Variants in GAPVD1 observed in about 807,000 individuals in gnomAD.
The protein encoded by GAPVD1 is GTPase activating protein and VPS9 domains 1, also known as GTPase-activating protein and VPS9 domain-containing protein 1.
In GAPVD1, 35 loss-of-function variants were observed where a neutral mutation model predicts 155.5. The ratio of observed to expected loss-of-function variants is 0.23; its 90% CI spans 0.17 to 0.30. GAPVD1 has a LOEUF of 0.30. Among genes scored for constraint, GAPVD1 ranks in the 10% least tolerant of loss-of-function variants. The pLI is 1.00. For missense variants in GAPVD1, 1,429 were observed against 1,775.7 expected (o/e 0.80, Z 3.51); for synonymous variants, 636 against 619.7 (o/e 1.03, Z -0.39).
intron 2 of GAPVD1, among the ~76,000 whole-genome samples, chr9:125,274,099 C>A (rs1835360435): frequency 2.6e-5 from 4 of 151,968 alleles, no homozygotes; most frequent in Admixed American, 6.6e-5. Context: ...CTCACTGCAA[C>A]CTCTGCCTCC....
rs372798794 is a variant in GAPVD1, at chr9:125,279,671, G to A, written c.-150+10687G>A. Reference sequence around the variant, plus strand: ...ATAGTTCTGCCAAAGTGTAGGCATCGGTATATAAAAATCTTTCCCATACAT... The same window carrying A: ...ATAGTTCTGCCAAAGTGTAGGCATCAGTATATAAAAATCTTTCCCATACAT... On this transcript the variant is annotated intron_variant, in intron 2 of 27. Transcript: ENST00000297933. Among the ~76,000 whole-genome samples, 8 of 150,838 alleles carry A rather than the reference G, an allele frequency of 5.3e-5. No individual in the cohort carries two copies. The East Asian group carries it at 5.8e-4, about 11-fold the overall frequency.
At chr9:125,315,009 G>A (rs1197742569) in intron 9 of GAPVD1, among the ~76,000 whole-genome samples, 7 of 152,100 alleles carry the variant, frequency 4.6e-5, no homozygotes, top group Middle Eastern at 3.4e-3. Context: ...GGATAGTCTC[G>A]ATCTCCTGAC....
intron 13 of GAPVD1, among the ~76,000 whole-genome samples, chr9:125,331,223 T>TG (rs1452614042): frequency 6.6e-6 from 1 of 150,930 alleles, no homozygotes; most frequent in African/African-American, 2.4e-5. Context: ...TTTTTTGAGA[T>TG]GGAGTCTCAC....
At chr9:125,329,256 A>G (rs1242848355) in intron 12 of GAPVD1, among the ~76,000 whole-genome samples, 2 of 152,228 alleles carry the variant, frequency 1.3e-5, no homozygotes, top group African/African-American at 2.4e-5. Flanking sequence ...AGTGAGTGCT[A>G]TGAAGATGTG....
intron 12 of GAPVD1, among the ~76,000 whole-genome samples, chr9:125,329,306 C>T (rs1845736469): frequency 6.6e-6 from 1 of 152,152 alleles, no homozygotes; most frequent in South Asian, 2.1e-4. Context: ...TGAATAGTGA[C>T]TAATATGCTG....
intron 2 of GAPVD1, among the ~76,000 whole-genome samples, chr9:125,290,484 A>G (rs1435808734): frequency 2.0e-5 from 3 of 152,198 alleles, no homozygotes; most frequent in African/African-American, 7.2e-5. Context: ...CAATGTAAGT[A>G]TGATACTGTG....
At chr9:125,287,220 A>G (rs902892677) in intron 2 of GAPVD1, among the ~76,000 whole-genome samples, 5 of 152,044 alleles carry the variant, frequency 3.3e-5, no homozygotes, top group Admixed American at 2.0e-4. Flanking sequence ...CCAGATATAA[A>G]TATAGAAACA....
intron 15 of GAPVD1, 36 bp downstream of exon 15, chr9:125,332,665 C>T (rs1392265225): frequency 6.3e-7 from 1 of 1,586,956 alleles, no homozygotes; most frequent in Non-Finnish European, 8.6e-7. Context: ...TAAAAAATGA[C>T]CACATCCGTG....
intron 1 of GAPVD1, among the ~76,000 whole-genome samples, chr9:125,262,317 GA>G (rs1392466257): frequency 6.6e-6 from 1 of 152,194 alleles, no homozygotes; most frequent in East Asian, 1.9e-4. Flanking sequence ...AGGCGAGAAC[GA>G]AATGGAATGT....
At chr9:125,305,597 A>T (rs1456499242) in intron 6 of GAPVD1, among the ~76,000 whole-genome samples, 2 of 151,946 alleles carry the variant, frequency 1.3e-5, no homozygotes, top group African/African-American at 4.8e-5. Context: ...TCTTGAACTC[A>T]TGGCCTCGTG....
chr9:125,333,085 T>G (rs985633122), intron 15 of GAPVD1, among the ~76,000 whole-genome samples: 1 of 152,202 alleles, frequency 6.6e-6, no homozygotes, highest in African/African-American at 2.4e-5. Flanking sequence ...CTTCTGTTTT[T>G]TTTTTGAGAC....
At chr9:125,338,453 G>A (rs957050982) in intron 17 of GAPVD1, among the ~76,000 whole-genome samples, 2 of 152,118 alleles carry the variant, frequency 1.3e-5, no homozygotes, top group African/African-American at 4.8e-5. Context: ...ATAGTAAAAA[G>A]GTTCTATTCA....
intron 2 of GAPVD1, among the ~76,000 whole-genome samples, chr9:125,274,873 G>A (rs1303045338): frequency 1.3e-5 from 2 of 152,160 alleles, no homozygotes; most frequent in African/African-American, 4.8e-5. Context: ...GAGAAGTAAA[G>A]TAACTAGCCA....
chr9:125,337,789 G>A (rs1344551476), intron 17 of GAPVD1, among the ~76,000 whole-genome samples, 198 bp downstream of exon 17: 2 of 152,162 alleles, frequency 1.3e-5, no homozygotes, highest in African/African-American at 4.8e-5. Context: ...ATACTATCTT[G>A]CATTTTTATG....
At chr9:125,340,266 C>T (rs933799564) in intron 17 of GAPVD1, among the ~76,000 whole-genome samples, 2 of 152,176 alleles carry the variant, frequency 1.3e-5, no homozygotes, top group African/African-American at 4.8e-5. Flanking sequence ...GGTGATCCAC[C>T]CACCTCGGCC....
At chr9:125,332,421 G>C (rs1846225564) in intron 14 of GAPVD1, 89 bp from the exon 15 acceptor site, 4 of 1,085,734 alleles carry the variant, frequency 3.7e-6, no homozygotes, top group Non-Finnish European at 5.4e-6. Flanking sequence ...CAAAATTCGA[G>C]AATGTTTCAG....
At chr9:125,331,747 A>G (rs1846113080) in intron 13 of GAPVD1, among the ~76,000 whole-genome samples, 179 bp from the exon 14 acceptor site, 2 of 152,224 alleles carry the variant, frequency 1.3e-5, no homozygotes, top group Non-Finnish European at 2.9e-5. Flanking sequence ...TATTGGGATG[A>G]AAATCACAAC....
At chr9:125,266,071 T>G (rs901066395) in intron 1 of GAPVD1, among the ~76,000 whole-genome samples, 3 of 151,014 alleles carry the variant, frequency 2.0e-5, no homozygotes, top group Non-Finnish European at 4.4e-5. Context: ...CTCTATAATT[T>G]CACGTCTATA....
chr9:125,289,709 G>T (rs1470669409), intron 2 of GAPVD1, among the ~76,000 whole-genome samples: 2 of 152,164 alleles, frequency 1.3e-5, no homozygotes, highest in Non-Finnish European at 2.9e-5. Flanking sequence ...TGACTAGGCA[G>T]TTGCATATAT....
Sources: allele counts gnomAD v4.1 joint callset (sites outside exome capture counted in the v4.1 genomes callset), GRCh38; gene constraint gnomAD v4.1.1; transcripts MANE v1.5; gene names NCBI Gene and HGNC (gene_info 2026-07-23, HGNC 2026-07-21).